NCKAP5L: variants seen among roughly 807,000 people sequenced by gnomAD.
The protein encoded by NCKAP5L is NCK associated protein 5 like, also known as nck-associated protein 5-like.
A neutral mutation model predicts 103.2 loss-of-function variants in NCKAP5L; 54 were observed. The observed-to-expected ratio is 0.52, with a 90% CI of 0.42 to 0.66. The LOEUF (loss-of-function observed/expected upper bound fraction) is 0.66. Among genes scored for constraint, NCKAP5L ranks in the 30% least tolerant of loss-of-function variants. NCKAP5L has a pLI of 0.00. For missense variants in NCKAP5L, 1,733 were observed against 1,750.6 expected (o/e 0.99, Z 0.18); for synonymous variants, 762 against 748.6 (o/e 1.02, Z -0.29).
chr12:49,823,188 T>C (rs1411731132), intron 1 of NCKAP5L, among the ~76,000 whole-genome samples: 1 of 152,124 alleles, frequency 6.6e-6, no homozygotes, highest in Non-Finnish European at 1.5e-5. Flanking sequence ...AAGTTGGGTT[T>C]ATTCTAGGTC....
chr12:49,792,503 G>A lies in NCKAP5L; in HGVS notation c.3735C>T (p.Ser1245=). The stretch of plus-strand genomic sequence containing the variant: ...GGGGTGGGCACATGAGAGGGTCCGA[G>A]GAGCTGCCGGCTGCCCTAGTATTGG... ...TFPNTRAAGS[S]SDPLMCPPRQ... Residue 1245 remains serine, a synonymous_variant, in exon 12 of 13, where the codon TCC becomes TCT. Coordinates refer to ENST00000335999, the MANE Select transcript of NCKAP5L (RefSeq NM_001037806.4). The surrounding 1 kb of genome is among the most constrained non-coding windows in gnomAD (Gnocchi z 4.5). The A allele has an allele frequency of 6.2e-7, 1 of 1,613,680 alleles. No homozygotes were observed. Among genetic ancestry groups the A allele is most frequent in the African/African-American group, 1.3e-5 (1 of 75,042 alleles).
In NCKAP5L at chr12:49,797,338, G is replaced by A. The variant is rs1306785405; in HGVS notation, c.522C>T (p.Pro174=). Reference sequence around the variant, plus strand: ...ACGGGGATAGGGCATCCAGCGCTGGGGGTGGGGCGGCTGGGGGGCCTGGGC... The same window carrying A: ...ACGGGGATAGGGCATCCAGCGCTGGAGGTGGGGCGGCTGGGGGGCCTGGGC... The part of the protein sequence containing the change: ...PGGPGPPAAP[P]PALDALSPFL... Residue 174 remains proline, a synonymous_variant, in exon 8 of 13, where the codon CCC becomes CCT. Transcript: ENST00000335999. This position sits in a 1 kb window ranked among gnomAD's most constrained non-coding sequence, Gnocchi z 4.5. The A allele has an allele frequency of 6.2e-7, 1 of 1,612,352 alleles. No homozygotes were observed. Among genetic ancestry groups the A allele is most frequent in the Non-Finnish European group, 8.5e-7 (1 of 1,179,622 alleles).
chr12:49,793,256 G>A, intron 10 of NCKAP5L, 96 bp downstream of exon 10: 1 of 1,268,944 alleles, frequency 7.9e-7, no homozygotes, highest in Non-Finnish European at 1.1e-6. Flanking sequence ...GGCACACAGA[G>A]CCTGGCACCT....
chr12:49,817,642 TAG>T (rs1410605884), intron 1 of NCKAP5L, among the ~76,000 whole-genome samples: 1 of 151,784 alleles, frequency 6.6e-6, no homozygotes, highest in East Asian at 1.9e-4. Context: ...TGGTTCAGAA[TAG>T]AGAGACCAGA....
chr12:49,827,279 G>A (rs76246102), intron 1 of NCKAP5L, among the ~76,000 whole-genome samples: 3,048 of 152,282 alleles, frequency 0.02, 131 homozygotes, highest in African/African-American at 0.069. Context: ...CATGACAGAC[G>A]CGGAGAAGTG....
Position 49,797,463 on chromosome 12 carries a change from C to G in NCKAP5L, c.466-69G>C. The G allele has an allele frequency of 7.2e-6, 9 of 1,248,844 alleles. No homozygotes were observed. Among genetic ancestry groups the G allele is most frequent in the Non-Finnish European group, 9.9e-6 (9 of 905,604 alleles). 77.4% of individuals were successfully genotyped at this position (1,248,844 alleles called of 1,614,324 possible). A position where few individuals can be genotyped will look rare whatever the true frequency, so the allele number is the denominator to read the frequency against. On this transcript the variant is annotated intron_variant, in intron 7 of 12. Transcript: ENST00000335999. This position sits in a 1 kb window ranked among gnomAD's most constrained non-coding sequence, Gnocchi z 4.5. ...TGGGATCCAGTTCCAGGCCCAGGCC[C>G]TGGGCTGGCTTAACAGGGAATGCCA... is the stretch of plus-strand genomic sequence containing the variant.
chr12:49,815,536 G>A (rs1481443749), intron 1 of NCKAP5L, among the ~76,000 whole-genome samples: 2 of 152,130 alleles, frequency 1.3e-5, no homozygotes, highest in East Asian at 3.9e-4. Flanking sequence ...TTCTTTTTAA[G>A]ACAAGTCTTG....
At chr12:49,824,680 G>A (rs551528708) in intron 1 of NCKAP5L, among the ~76,000 whole-genome samples, 16 of 152,376 alleles carry the variant, frequency 1.1e-4, no homozygotes, top group African/African-American at 3.8e-4. Flanking sequence ...TGCATATGCA[G>A]GTCCATCCAC....
rs756214353 is a variant in NCKAP5L at position 49,795,258 on chromosome 12, T to C, written c.2602A>G (p.Thr868Ala). ...AQSTPLVPGP[T>A]DPSQGPEGLA... Reference sequence around the variant, plus strand: ...CCCTCAGGGCCCTGACTTGGGTCAGTGGGGCCAGGTACTAGGGGTGTGGAC... The same window carrying C: ...CCCTCAGGGCCCTGACTTGGGTCAGCGGGGCCAGGTACTAGGGGTGTGGAC... The change falls in exon 8 of 13, where the codon ACT becomes GCT. Residue 868 changes from threonine (T) to alanine (A), a missense_variant. Thr to Ala is a moderately conservative substitution (Grantham distance 58). Coordinates refer to ENST00000335999, the MANE Select transcript of NCKAP5L (RefSeq NM_001037806.4). The C allele has an allele frequency of 1.2e-5, 19 of 1,543,456 alleles. No homozygotes were observed. The African/African-American group carries it at 2.5e-4, about 20-fold the overall frequency.
At chr12:49,802,215 T>C (rs1411954243) in intron 5 of NCKAP5L, 1 of 421,284 alleles carries the variant, frequency 2.4e-6, no homozygotes, top group Non-Finnish European at 4.2e-6. Context: ...TTCTCTTTGT[T>C]ATCTTTCTCA....
chr12:49,793,490 C>T, intron 9 of NCKAP5L, 57 bp from the exon 10 acceptor site: 1 of 1,548,398 alleles, frequency 6.5e-7, no homozygotes, highest in East Asian at 2.2e-5. Context: ...CACCCCTCCC[C>T]ATGCCTCTAG....
chr12:49,809,383 C>T (rs11611168), intron 1 of NCKAP5L, among the ~76,000 whole-genome samples: 49,953 of 151,986 alleles, frequency 0.33, 8,657 homozygotes, highest in South Asian at 0.44. Context: ...TTCCCTCACC[C>T]CGGCCCTTAG....
intron 1 of NCKAP5L, among the ~76,000 whole-genome samples, chr12:49,807,677 C>T (rs1161213404): frequency 6.6e-6 from 1 of 152,208 alleles, no homozygotes; most frequent in Admixed American, 6.5e-5. Context: ...CCTTCCCACA[C>T]TCAAATGGGG....
intron 1 of NCKAP5L, among the ~76,000 whole-genome samples, chr12:49,811,627 C>T (rs757575226): frequency 1.3e-4 from 20 of 151,552 alleles, no homozygotes; most frequent in African/African-American, 4.9e-4. Context: ...ACAATCTTCT[C>T]GTTGGGCACA....
chr12:49,803,870 C>T, intron 3 of NCKAP5L, 52 bp downstream of exon 3: 1 of 1,571,968 alleles, frequency 6.4e-7, no homozygotes, highest in African/African-American at 1.3e-5. Context: ...GCAGCCCTGC[C>T]TCCCCAGGGC....
intron 1 of NCKAP5L, among the ~76,000 whole-genome samples, chr12:49,812,524 C>T (rs1946252574): frequency 6.6e-6 from 1 of 152,068 alleles, no homozygotes; most frequent in Admixed American, 6.6e-5. Context: ...GATGGGACTA[C>T]AGGCGCCCGC....
At chr12:49,807,247 G>GTGTGTC (rs1491414001) in intron 1 of NCKAP5L, among the ~76,000 whole-genome samples, 1 of 76,006 alleles carries the variant, frequency 1.3e-5, no homozygotes, top group East Asian at 1.0e-3. Context: ...ATGCTTCTTC[G>GTGTGTC]TGTGTGTGTG....
intron 1 of NCKAP5L, 39 bp from the exon 2 acceptor site, chr12:49,806,080 C>G (rs1188077384): frequency 6.6e-6 from 1 of 152,196 alleles, no homozygotes; most frequent in Non-Finnish European, 1.5e-5. Flanking sequence ...CACGCACTTA[C>G]TGGGCTCCTG....
intron 1 of NCKAP5L, among the ~76,000 whole-genome samples, chr12:49,814,560 A>G (rs11169163): frequency 0.36 from 55,153 of 151,266 alleles, 10,588 homozygotes; most frequent in African/African-American, 0.45. Context: ...GAGGGTATCC[A>G]CTTCTTCCTG....
Sources: gnomAD v4.1 joint callset for allele counts (sites outside exome capture counted in the v4.1 genomes callset) on GRCh38, gnomAD v4.1.1 for gene constraint, Gnocchi (gnomAD v3.1) non-coding constraint, MANE v1.5 for transcripts, NCBI Gene and HGNC (gene_info 2026-07-23, HGNC 2026-07-21) for gene names.